DLG2: variants seen among roughly 807,000 people sequenced by gnomAD.
DLG2 encodes the protein discs large MAGUK scaffold protein 2, also known as disks large homolog 2.
Under a neutral mutation model 132.5 loss-of-function variants are expected in DLG2, and 45 were observed. That is an observed-to-expected ratio of 0.34 (90% CI 0.27 to 0.44). The LOEUF (loss-of-function observed/expected upper bound fraction) is 0.44, where lower values mean the gene tolerates loss of function less well. Ranked by LOEUF, DLG2 falls within the 20% of genes least tolerant of loss-of-function variation. The probability of loss-of-function intolerance (pLI) is 1.00; values close to 1 mark genes in which losing one functional copy is unlikely to be tolerated. For synonymous variants in DLG2, 424 were observed against 419.6 expected (o/e 1.01, Z -0.13); for missense variants, 1,045 against 1,196.9 (o/e 0.87, Z 1.87).
rs190310613 is a variant in DLG2 at position 84,110,594 on chromosome 11, A to G, written c.625-11547T>C. ...AGATCACCATGCAAGTCCGATCCCA[A>G]AGAGGAGAACAGAAAGAAGGAAGAT... On this transcript the variant is annotated intron_variant, in intron 9 of 27. Transcript: ENST00000376104. Among the ~76,000 whole-genome samples the G allele has an allele frequency of 1.9e-3, 289 of 152,238 alleles. 2 individuals are homozygous for G. Among genetic ancestry groups the G allele is most frequent in the African/African-American group, 6.8e-3 (283 of 41,548 alleles).
intron 9 of DLG2, among the ~76,000 whole-genome samples, chr11:84,129,527 G>A (rs755256183): frequency 9.9e-5 from 15 of 152,016 alleles, no homozygotes; most frequent in Non-Finnish European, 1.9e-4. Flanking sequence ...CAAAGACAGG[G>A]TACATGATGT....
chr11:85,354,325 C>T (rs1185967204), intron 3 of DLG2, among the ~76,000 whole-genome samples: 5 of 152,086 alleles, frequency 3.3e-5, no homozygotes, highest in African/African-American at 1.2e-4. Context: ...ATACACCAAC[C>T]ACACTCATCA....
chr11:84,774,474 A>G (rs955930285), intron 6 of DLG2, among the ~76,000 whole-genome samples: 3 of 152,160 alleles, frequency 2.0e-5, no homozygotes, highest in African/African-American at 7.2e-5. Flanking sequence ...AACACAACAA[A>G]AAGTCCAAAT....
intron 3 of DLG2, among the ~76,000 whole-genome samples, chr11:85,384,044 C>T (rs1055691092): frequency 2.6e-5 from 4 of 152,148 alleles, no homozygotes; most frequent in African/African-American, 9.7e-5. Context: ...CTAGTTAATA[C>T]TCCTTTATAT....
chr11:83,917,556 A>T (rs12271245), intron 15 of DLG2, among the ~76,000 whole-genome samples: 13,463 of 152,292 alleles, frequency 0.088, 720 homozygotes, highest in Middle Eastern at 0.2. Flanking sequence ...AAATCAAAAA[A>T]TCCCAGGGGA....
chr11:84,344,957 G>A (rs1451276554), intron 7 of DLG2, among the ~76,000 whole-genome samples: 1 of 151,806 alleles, frequency 6.6e-6, no homozygotes, highest in African/African-American at 2.4e-5. Context: ...AAAAGCTGAA[G>A]TGAAAAAAAA....
intron 12 of DLG2, among the ~76,000 whole-genome samples, chr11:83,979,342 A>T (rs1027418585): frequency 2.6e-5 from 4 of 152,176 alleles, no homozygotes; most frequent in African/African-American, 7.2e-5. Flanking sequence ...ATTGTTGGAG[A>T]TAATGGCTCC....
chr11:84,277,899 T>A (rs1477293626), intron 7 of DLG2, among the ~76,000 whole-genome samples: 3 of 152,090 alleles, frequency 2.0e-5, no homozygotes, highest in African/African-American at 7.2e-5. Context: ...AATAAGGAAA[T>A]CTTTATGTAT....
At chr11:83,561,142 T>C (rs550417033) in intron 19 of DLG2, among the ~76,000 whole-genome samples, 5 of 152,282 alleles carry the variant, frequency 3.3e-5, no homozygotes, top group South Asian at 2.1e-4. Flanking sequence ...ACCAAGAGCA[T>C]TGTGCTAAAC....
chr11:84,915,490 A>G (rs994719704), intron 6 of DLG2, among the ~76,000 whole-genome samples: 2 of 152,222 alleles, frequency 1.3e-5, no homozygotes, highest in African/African-American at 4.8e-5. Flanking sequence ...TTAAACAACT[A>G]TTAACACATA....
intron 11 of DLG2, among the ~76,000 whole-genome samples, chr11:83,996,607 A>G (rs1053918389): frequency 6.6e-5 from 10 of 152,226 alleles, no homozygotes; most frequent in African/African-American, 2.4e-4. Flanking sequence ...AAAATATGGT[A>G]CACATACACA....
At chr11:84,525,651 T>C (rs1286674298) in intron 7 of DLG2, among the ~76,000 whole-genome samples, 1 of 152,178 alleles carries the variant, frequency 6.6e-6, no homozygotes, top group African/African-American at 2.4e-5. Flanking sequence ...ACGGTCTAAT[T>C]TGCATATCAG....
intron 14 of DLG2, among the ~76,000 whole-genome samples, chr11:83,952,976 T>C (rs1012604286): frequency 2.0e-5 from 3 of 151,982 alleles, no homozygotes; most frequent in Non-Finnish European, 4.4e-5. Flanking sequence ...AGCAAATGGA[T>C]ATAAAGATGG....
At position 85,405,439 on chromosome 11, in the gene DLG2, G is replaced by T. The variant is rs960185219; in HGVS notation, c.41-120074C>A. 2.0e-5 allele frequency among the ~76,000 whole-genome samples: 3 copies of T among 152,008 alleles called. No homozygotes were observed. In the South Asian group the frequency reaches 6.2e-4, roughly 32 times the overall value. On this transcript the variant is annotated intron_variant, in intron 3 of 27. Coordinates refer to ENST00000376104, the MANE Select transcript of DLG2 (RefSeq NM_001142699.3). ...CTAAAAATCACTAAAGAACATAACA[G>T]AAAATCAAGGTTTACATGGAGAATG...
intron 14 of DLG2, among the ~76,000 whole-genome samples, chr11:83,945,186 G>A (rs1056765792): frequency 6.6e-6 from 1 of 152,192 alleles, no homozygotes; most frequent in African/African-American, 2.4e-5. Flanking sequence ...TGAGGCTTCA[G>A]AATCGCTTGA....
At chr11:83,959,792 G>A (rs2088000420) in intron 14 of DLG2, among the ~76,000 whole-genome samples, 1 of 152,026 alleles carries the variant, frequency 6.6e-6, no homozygotes, top group Admixed American at 6.6e-5. Context: ...CTATTTGATT[G>A]CTGTATGCTA....
intron 6 of DLG2, among the ~76,000 whole-genome samples, chr11:84,896,663 C>A (rs1465870724): frequency 1.3e-5 from 2 of 151,932 alleles, no homozygotes; most frequent in East Asian, 1.9e-4. Flanking sequence ...GTTTTGTATT[C>A]CATGGTGTCA....
At chr11:83,933,351 A>G (rs969191236) in intron 14 of DLG2, among the ~76,000 whole-genome samples, 1 of 152,200 alleles carries the variant, frequency 6.6e-6, no homozygotes, top group African/African-American at 2.4e-5. Context: ...CCACAGAGGG[A>G]GGGAAAAGTA....
At chr11:83,908,701 A>G (rs998852409) in intron 15 of DLG2, among the ~76,000 whole-genome samples, 1 of 152,084 alleles carries the variant, frequency 6.6e-6, no homozygotes, top group Non-Finnish European at 1.5e-5. Context: ...TGACTGTTAG[A>G]GTAGGCCACT....
Sources: gnomAD v4.1 joint callset for allele counts (sites outside exome capture counted in the v4.1 genomes callset) on GRCh38, gnomAD v4.1.1 for gene constraint, MANE v1.5 for transcripts, NCBI Gene and HGNC (gene_info 2026-07-23, HGNC 2026-07-21) for gene names.